CCDC27: variants seen among roughly 807,000 people sequenced by gnomAD.
CCDC27 encodes the protein coiled-coil domain-containing protein 27.
In CCDC27, 80 loss-of-function variants were observed where a neutral mutation model predicts 80.3. The observed-to-expected ratio is 1.00, with a 90% confidence interval of 0.83 to 1.20. The LOEUF is 1.20. Ranked by LOEUF, CCDC27 falls within the 50% of genes most tolerant of loss-of-function variation. CCDC27 has a pLI of 0.00. For missense variants in CCDC27, 815 were observed against 809.4 expected (o/e 1.01, Z -0.08); for synonymous variants, 342 against 334.3 (o/e 1.02, Z -0.25).
intron 4 of CCDC27, among the ~76,000 whole-genome samples, chr1:3,759,702 C>T (rs1643043477): frequency 6.6e-6 from 1 of 152,214 alleles, no homozygotes; most frequent in Admixed American, 6.5e-5. Context: ...CCAGTCCCAG[C>T]TCCTGGGGGT....
At position 3,762,712 on chromosome 1, in the gene CCDC27, G is replaced by A. The variant is rs991637678; in HGVS notation, c.954G>A (p.Gln318=). 1.3e-6 allele frequency: 2 copies of A among 1,548,662 alleles called. No homozygotes were observed. The highest frequency in any genetic ancestry group is 2.7e-5 in the African/African-American group (2 of 72,972). The part of the protein sequence containing the change: ...RHEEELQHWW[Q]MQEESAAPER... ...AGGAGGAGCTGCAGCACTGGTGGCAGGTGCGGGCCGCCTGGAGAGCAGGCA... is the reference window on the plus strand; with the variant it reads ...AGGAGGAGCTGCAGCACTGGTGGCAAGTGCGGGCCGCCTGGAGAGCAGGCA... The change falls in exon 6 of 12, where the codon CAG becomes CAA. Residue 318 remains glutamine, a splice_region_variant and synonymous_variant. Transcript: ENST00000294600.
chr1:3,767,269 G>A lies in CCDC27; in HGVS notation c.1567G>A (p.Asp523Asn). ...SELERKLTKR[D>N]CVISELDTKV... ...ACTGGAGAGAAAGCTCACCAAGCGGGACTGTGTCATCTCAGAGTTGGACAC... is the reference window on the plus strand; with the variant it reads ...ACTGGAGAGAAAGCTCACCAAGCGGAACTGTGTCATCTCAGAGTTGGACAC... The change falls in exon 10 of 12, where the codon GAC (aspartate) becomes AAC (asparagine). Residue 523 changes from aspartate to asparagine, a missense_variant. By Grantham distance (23) the Asp-to-Asn change is conservative. Coordinates refer to ENST00000294600, the MANE Select transcript of CCDC27 (RefSeq NM_152492.3). The A allele has an allele frequency of 1.1e-5, 17 of 1,614,054 alleles. No homozygotes were observed. The highest frequency in any genetic ancestry group is 1.4e-5 in the Non-Finnish European group (17 of 1,180,022).
At chr1:3,762,575 T>C (rs1181879) in intron 5 of CCDC27, 45 bp from the exon 6 acceptor site, 630,137 of 1,486,138 alleles carry the variant, frequency 0.42, 139,032 homozygotes, top group African/African-American at 0.73. Flanking sequence ...CCTGGGGTGC[T>C]GCAGGAGGGG....
chr1:3,771,286 T>TGGA (rs1006501031), intron 11 of CCDC27, 115 bp from the exon 12 acceptor site: 10 of 1,303,332 alleles, frequency 7.7e-6, no homozygotes, highest in Non-Finnish European at 9.7e-6. Context: ...CAAGCCTCTC[T>TGGA]GGAGGAGGAG....
Position 3,769,431 on chromosome 1 carries a change from G to A in CCDC27, c.1744-352G>A, listed in dbSNP as rs570710729. ...GCAGCTCCCCTGGGCAGTGGAGGAT[G>A]GTCCAGGGGTTACGTGCGGCTTCTG... On this transcript the variant is annotated intron_variant, in intron 10 of 11. Coordinates refer to ENST00000294600, the MANE Select transcript of CCDC27 (RefSeq NM_152492.3). The surrounding 1 kb of genome is among the most constrained non-coding windows in gnomAD (Gnocchi z 4.6). Among the ~76,000 whole-genome samples the A allele has an allele frequency of 1.3e-5, 2 of 152,154 alleles. No homozygotes were observed. Among genetic ancestry groups the A allele is most frequent in the South Asian group, 2.1e-4 (1 of 4,824 alleles).
Position 3,761,431 on chromosome 1 carries a change from G to A in CCDC27, c.861+1G>A, listed in dbSNP as rs939893498. The A allele has an allele frequency of 1.2e-6, 2 of 1,613,460 alleles. No homozygotes were observed. The highest frequency in any genetic ancestry group is 1.3e-5 in the African/African-American group (1 of 75,040). On this transcript the variant is annotated splice_donor_variant, in intron 5 of 11. Transcript: ENST00000294600. LOFTEE classifies it high-confidence loss of function. The surrounding 1 kb of genome is among the most constrained non-coding windows in gnomAD (Gnocchi z 5.0). The stretch of plus-strand genomic sequence containing the variant: ...GACATCCATGTCCCCAGGCAGGAGG[G>A]TGAGCCAGCCCCAGCGGGGCACAGC...
chr1:3,753,432 T>C (rs1642873795), intron 1 of CCDC27, among the ~76,000 whole-genome samples: 1 of 150,796 alleles, frequency 6.6e-6, no homozygotes, highest in African/African-American at 2.4e-5. Flanking sequence ...CAAGTGATTC[T>C]CCAGCCTCAG....
intron 5 of CCDC27, 57 bp from the exon 6 acceptor site, chr1:3,762,563 T>A: frequency 1.4e-6 from 2 of 1,400,114 alleles, no homozygotes; most frequent in Non-Finnish European, 2.0e-6. Context: ...CAGTGGTCTG[T>A]CCCTGGGGTG....
At chr1:3,754,853 G>C (rs888005919) in intron 2 of CCDC27, among the ~76,000 whole-genome samples, 1 of 137,402 alleles carries the variant, frequency 7.3e-6, no homozygotes, top group Non-Finnish European at 1.6e-5. Context: ...GGGGTGGGGG[G>C]GTTGGGGAGG....
chr1:3,761,346 G>A lies in CCDC27; in HGVS notation c.777G>A (p.Gln259=). 1 of 1,614,192 alleles carries A rather than the reference G, an allele frequency of 6.2e-7. No homozygotes were observed. The highest frequency in any genetic ancestry group is 8.5e-7 in the Non-Finnish European group (1 of 1,180,026). Reference sequence around the variant, plus strand: ...AAGACGAGGAGATCCTGCTGCTCCAGGAGGAGAGGGAGGCCCTGAAGATGC... The same window carrying A: ...AAGACGAGGAGATCCTGCTGCTCCAAGAGGAGAGGGAGGCCCTGAAGATGC... ...QKKDEEILLL[Q]EEREALKMQL... is the part of the protein sequence containing the mutation. The change falls in exon 5 of 12, where the codon CAG becomes CAA. Residue 259 remains glutamine, a synonymous_variant. Coordinates refer to ENST00000294600, the MANE Select transcript of CCDC27 (RefSeq NM_152492.3). This position sits in a 1 kb window ranked among gnomAD's most constrained non-coding sequence, Gnocchi z 5.0.
chr1:3,763,490 G>A lies in CCDC27; in HGVS notation c.1321+16G>A. ...CTTGCAACAGGTAGGGCCTCGGCGG[G>A]GGGCACTGGGCTTTGGCCACTCAGT... On this transcript the variant is annotated intron_variant, in intron 7 of 11. Transcript: ENST00000294600. This position sits in a 1 kb window ranked among gnomAD's most constrained non-coding sequence, Gnocchi z 7.5. The A allele has an allele frequency of 1.3e-6, 2 of 1,575,642 alleles. No individual in the cohort carries two copies. Among genetic ancestry groups the A allele is most frequent in the Non-Finnish European group, 1.7e-6 (2 of 1,160,886 alleles).
Position 3,763,827 on chromosome 1 carries a change from GA to G in CCDC27, c.1444del (p.Thr482ProfsTer16). 6.2e-7 allele frequency: 1 copy of G among 1,614,000 alleles called. No individual in the cohort carries two copies. Among genetic ancestry groups the G allele is most frequent in the East Asian group, 2.2e-5 (1 of 44,874 alleles). ...RERRQQLQAM[T>X]DKFSNLREDK... ...AGCGGAGGCAGCAGCTACAAGCCAT[GA>G]CCGACAAGGTGGCCGTGCGCTCAGT... On this transcript the variant is annotated frameshift_variant, in exon 8 of 12. Transcript: ENST00000294600. LOFTEE classifies it high-confidence loss of function. This position sits in a 1 kb window ranked among gnomAD's most constrained non-coding sequence, Gnocchi z 7.5.
intron 11 of CCDC27, among the ~76,000 whole-genome samples, chr1:3,770,627 C>G (rs1183108463): frequency 6.6e-6 from 1 of 152,338 alleles, no homozygotes; most frequent in African/African-American, 2.4e-5. Context: ...ACCCACACTT[C>G]ACCCTCTGGG....
Position 3,763,660 on chromosome 1 carries a change from A to G in CCDC27, c.1322-46A>G, listed in dbSNP as rs367700875. 1.2e-5 allele frequency: 19 copies of G among 1,610,436 alleles called. No homozygotes were observed. Among genetic ancestry groups the G allele is most frequent in the Non-Finnish European group, 1.6e-5 (19 of 1,177,346 alleles). On this transcript the variant is annotated intron_variant, in intron 7 of 11. Coordinates refer to ENST00000294600, the MANE Select transcript of CCDC27 (RefSeq NM_152492.3). This position sits in a 1 kb window ranked among gnomAD's most constrained non-coding sequence, Gnocchi z 7.5. ...GCCCGGCCCTCTCCTTCTGTCCCTC[A>G]CTGCCCCTGCTTGCTCCTGCTCACC...
intron 3 of CCDC27, 109 bp from the exon 4 acceptor site, chr1:3,756,624 A>C: frequency 1.8e-6 from 2 of 1,135,564 alleles, no homozygotes; most frequent in Non-Finnish European, 2.6e-6. Context: ...CTGGGCAGAT[A>C]GGGGTTTCCG....
Position 3,769,759 on chromosome 1 carries a change from A to G in CCDC27, c.1744-24A>G. The G allele has an allele frequency of 4.5e-6, 7 of 1,572,692 alleles. No individual in the cohort carries two copies. The highest frequency in any genetic ancestry group is 6.1e-6 in the Non-Finnish European group (7 of 1,142,322). On this transcript the variant is annotated intron_variant, in intron 10 of 11. Transcript: ENST00000294600. This position sits in a 1 kb window ranked among gnomAD's most constrained non-coding sequence, Gnocchi z 4.6. ...GTGCCTTCTTGGGTAAAGGCGAATG[A>G]TAGTGTTGTCCCTTTGCTCACAGCT...
At position 3,755,484 on chromosome 1, in the gene CCDC27, G is replaced by C; in HGVS notation, c.470G>C (p.Gly157Ala). The C allele has an allele frequency of 6.2e-7, 1 of 1,614,184 alleles. No homozygotes were observed. The highest frequency in any genetic ancestry group is 8.5e-7 in the Non-Finnish European group (1 of 1,180,018). ...TCACCCACTGAGGCCGATTTGTCCG[G>C]AGAGATTGACAACAGCTCGGAGACC... The part of the protein sequence containing the change: ...CGSPTEADLS[G>A]EIDNSSETWR... Residue 157 changes from glycine to alanine, a missense_variant, in exon 3 of 12, where the codon GGA (glycine) becomes GCA (alanine). By Grantham distance (60) the Gly-to-Ala change is moderately conservative. Transcript: ENST00000294600.
Position 3,768,866 on chromosome 1 carries a change from T to C in CCDC27, c.1744-917T>C, listed in dbSNP as rs1395215633. On this transcript the variant is annotated intron_variant, in intron 10 of 11. Transcript: ENST00000294600. This position sits in a 1 kb window ranked among gnomAD's most constrained non-coding sequence, Gnocchi z 5.6. The stretch of plus-strand genomic sequence containing the variant: ...TTGTGACCTCACGACCTCCAGCACC[T>C]GGCACGGTGTTTGTACAAAGTTGGG... 1.3e-5 allele frequency among the ~76,000 whole-genome samples: 2 copies of C among 152,176 alleles called. No homozygotes were observed. Among genetic ancestry groups the C allele is most frequent in the African/African-American group, 4.8e-5 (2 of 41,438 alleles).
rs1278921901 is a variant in CCDC27 at position 3,763,035 on chromosome 1, C to A, written c.955-73C>A. On this transcript the variant is annotated intron_variant, in intron 6 of 11. Coordinates refer to ENST00000294600, the MANE Select transcript of CCDC27 (RefSeq NM_152492.3). This position sits in a 1 kb window ranked among gnomAD's most constrained non-coding sequence, Gnocchi z 7.5. ...GAGGCGCCCTCCCCGGTGCCCCCGC[C>A]ATGAGCATTAGAGCCCTCTGCCCTG... 6 of 1,429,328 alleles carry A rather than the reference C, an allele frequency of 4.2e-6. No individual in the cohort carries two copies. The East Asian group carries it at 1.5e-4, about 36-fold the overall frequency. 88.5% of individuals were successfully genotyped at this position (1,429,328 alleles called of 1,614,324 possible).
Sources: gnomAD v4.1 joint callset for allele counts (sites outside exome capture counted in the v4.1 genomes callset) on GRCh38, gnomAD v4.1.1 for gene constraint, Gnocchi (gnomAD v3.1) non-coding constraint, MANE v1.5 for transcripts, NCBI Gene and HGNC (gene_info 2026-07-23, HGNC 2026-07-21) for gene names.